Variants in CUL4B observed in about 807,000 individuals in gnomAD.
The protein encoded by CUL4B is cullin 4B.
CUL4B carries 1 observed loss-of-function variant against 69.2 expected under a neutral mutation model. The observed-to-expected ratio is 0.01, with a 90% confidence interval of 0.01 to 0.07. The LOEUF is 0.07. Ranked by LOEUF, CUL4B falls within the 10% of genes least tolerant of loss-of-function variation. The pLI is 1.00. For synonymous variants in CUL4B, 237 were observed against 223.2 expected, an observed-to-expected ratio of 1.06 and a Z score of -0.55; for missense variants, 328 against 638.8, an observed-to-expected ratio of 0.51 and a Z score of 5.24.
At chrX:120,575,516 C>G (rs1390820365) in exon 1 of CUL4B, 1 of 112,209 alleles carries the variant, frequency 8.9e-6, no homozygotes, top group African/African-American at 3.2e-5. Flanking sequence ...GCCCTTTCGG[C>G]GGGCTAGGTT....
chrX:120,546,604 A>T lies in CUL4B; in HGVS notation c.789T>A (p.Asp263Glu), dbSNP rs1480002870. Residue 263 changes from aspartate (D) to glutamate (E), a missense_variant, in exon 4 of 20, where the codon GAT becomes GAA. Coordinates refer to ENST00000371322, the MANE Select transcript of CUL4B (RefSeq NM_001079872.2). ...QIHQFREDSLDSVLFLKKIDR... is the reference protein window; with the variant it reads ...QIHQFREDSLESVLFLKKIDR... Reference sequence around the variant, plus strand: ...CAATCTTCTTTAAAAAAAGAACGCTATCCAATGAATCCCTGAAACATATGT... The same window carrying T: ...CAATCTTCTTTAAAAAAAGAACGCTTTCCAATGAATCCCTGAAACATATGT... The T allele has an allele frequency of 3.4e-6, 4 of 1,183,766 alleles. No individual in the cohort carries two copies.
intron 2 of CUL4B, among the ~76,000 whole-genome samples, chrX:120,556,407 G>A (rs756316494): frequency 2.2e-4 from 25 of 111,920 alleles, no homozygotes; most frequent in Non-Finnish European, 3.8e-4. Flanking sequence ...AGTTTGACTC[G>A]TGATACCATC....
chrX:120,530,583 ATG>A (rs751729066), intron 18 of CUL4B, among the ~76,000 whole-genome samples: 1 of 112,204 alleles, frequency 8.9e-6, no homozygotes, highest in South Asian at 3.6e-4. Flanking sequence ...TATCTTCTAA[ATG>A]TGTGTATCAG....
chrX:120,558,061 G>A (rs1195594526), intron 1 of CUL4B, 22 bp from the exon 2 acceptor site: 5 of 974,899 alleles, frequency 5.1e-6, no homozygotes, highest in Non-Finnish European at 7.3e-6. Context: ...GTAAAAGGTT[G>A]GCATCAGAAT....
In CUL4B at chrX:120,560,668, C is replaced by A; in HGVS notation, c.-30G>T. 2 of 1,193,744 alleles carry A rather than the reference C, an allele frequency of 1.7e-6. No individual in the cohort carries two copies. The highest frequency in any genetic ancestry group is 2.2e-6 in the Non-Finnish European group (2 of 892,580). ...ATAGCGGGGTCAACAGGCAGAGGAG[C>A]ATCAAAAACCTACGTTTATATGCCT... On this transcript the variant is annotated 5_prime_UTR_variant, in exon 1 of 20. The change abolishes an upstream ATG in the 5' untranslated region. Coordinates refer to ENST00000371322, the MANE Select transcript of CUL4B (RefSeq NM_001079872.2).
chrX:120,529,990 T>C, intron 19 of CUL4B, 112 bp downstream of exon 19: 2 of 834,662 alleles, frequency 2.4e-6, no homozygotes, highest in Non-Finnish European at 1.7e-6. Context: ...ATTAAAACTT[T>C]TCTCTCTCTA....
intron 2 of CUL4B, among the ~76,000 whole-genome samples, chrX:120,552,893 A>G (rs1002216346): frequency 1.8e-5 from 2 of 112,046 alleles, no homozygotes; most frequent in African/African-American, 6.5e-5. Flanking sequence ...TAAGATCTAC[A>G]TTATCTCTCT....
intron 17 of CUL4B, 26 bp downstream of exon 17, chrX:120,534,455 G>A: frequency 2.0e-6 from 2 of 997,809 alleles, no homozygotes; most frequent in East Asian, 3.0e-5. Flanking sequence ...TGTGCACATA[G>A]TGAACAATTA....
chrX:120,561,003 G>A (rs1217684148), upstream of CUL4B: 26 of 962,052 alleles, frequency 2.7e-5, no homozygotes, highest in Middle Eastern at 4.5e-4. Flanking sequence ...CTCTCCCTGG[G>A]AGGGGAGAGG....
intron 10 of CUL4B, among the ~76,000 whole-genome samples, chrX:120,540,936 G>A (rs1297255588): frequency 1.8e-5 from 2 of 112,691 alleles, no homozygotes; most frequent in Non-Finnish European, 3.7e-5. Context: ...GGTATTATTA[G>A]AAGCCTCTGG....
chrX:120,532,996 G>A (rs950132167), intron 17 of CUL4B, among the ~76,000 whole-genome samples: 3 of 112,152 alleles, frequency 2.7e-5, no homozygotes, highest in Non-Finnish European at 3.8e-5. Context: ...CGTTTAAAGG[G>A]CAATTCCGCC....
rs1490735968 is a variant in CUL4B, at chrX:120,525,488, G to A, written c.*1273C>T. 1.8e-5 allele frequency: 2 copies of A among 111,624 alleles called. No homozygotes were observed. The highest frequency in any genetic ancestry group is 3.3e-5 in the African/African-American group (1 of 30,755). 9.2% of individuals were successfully genotyped at this position (111,624 alleles called of 1,213,427 possible). On this transcript the variant is annotated 3_prime_UTR_variant, in exon 20 of 20. Coordinates refer to ENST00000371322, the MANE Select transcript of CUL4B (RefSeq NM_001079872.2). ...AAGCCTTTGCTTGAATTATCAATTC[G>A]AAAAACAGTACTTTTGCCATTTTGT...
At chrX:120,535,682 G>A (rs1213653742) in intron 16 of CUL4B, 148 bp downstream of exon 16, 3 of 398,973 alleles carry the variant, frequency 7.5e-6, no homozygotes, top group Non-Finnish European at 1.3e-5. Flanking sequence ...CTCCACTCTG[G>A]TGACAGAGTG....
At chrX:120,557,840 A>G in intron 2 of CUL4B, 84 bp downstream of exon 2, 1 of 574,653 alleles carries the variant, frequency 1.7e-6, no homozygotes, top group South Asian at 2.7e-5. Context: ...AGTCTACTTA[A>G]GAACCTATTT....
upstream of CUL4B, among the ~76,000 whole-genome samples, chrX:120,565,928 C>T (rs1463547323): frequency 9.4e-6 from 1 of 106,387 alleles, no homozygotes; most frequent in African/African-American, 3.4e-5. Flanking sequence ...TGAGGTTTCA[C>T]TATGTTAGCC....
chrX:120,537,419 A>C (rs922735319), intron 14 of CUL4B, among the ~76,000 whole-genome samples: 1 of 109,704 alleles, frequency 9.1e-6, no homozygotes, highest in Non-Finnish European at 1.9e-5. Context: ...CTCACCCCCC[A>C]GCCAGCCCAA....
In CUL4B at chrX:120,546,555, T is replaced by C; in HGVS notation, c.838A>G (p.Arg280Gly). 8.3e-7 allele frequency: 1 copy of C among 1,201,208 alleles called. No individual in the cohort carries two copies. The highest frequency in any genetic ancestry group is 1.8e-5 in the South Asian group (1 of 56,644). ...TACTTTTTCCAGCTTACCATTTGTC[T>C]GCAATGGTTTTGCCAGCATCTATCA... Reference protein sequence around the residue: ...KIDRCWQNHCRQMIMIRSIFL... With the variant: ...KIDRCWQNHCGQMIMIRSIFL... The change falls in exon 4 of 20, where the codon AGA (arginine) becomes GGA (glycine). Residue 280 changes from arginine to glycine, a missense_variant. Physicochemically the swap from Arg to Gly is moderately radical, Grantham distance 125. Coordinates refer to ENST00000371322, the MANE Select transcript of CUL4B (RefSeq NM_001079872.2).
chrX:120,561,084 G>A (rs1256192710), upstream of CUL4B: 1 of 1,018,059 alleles, frequency 9.8e-7, no homozygotes, highest in African/African-American at 2.0e-5. Flanking sequence ...AGAGGCTAAA[G>A]ATGGCGCCAT....
chrX:120,549,132 GA>G (rs1368089039), intron 2 of CUL4B, among the ~76,000 whole-genome samples: 1 of 112,094 alleles, frequency 8.9e-6, no homozygotes, highest in Non-Finnish European at 1.9e-5. Flanking sequence ...CACAACAGAA[GA>G]AAAAAATTCC....
Sources: allele counts gnomAD v4.1 joint callset (sites outside exome capture counted in the v4.1 genomes callset), GRCh38; gene constraint gnomAD v4.1.1; transcripts MANE v1.5; gene names NCBI Gene and HGNC (gene_info 2026-07-23, HGNC 2026-07-21).